The following TTL variants were observed in gnomAD, a reference collection of about 807,000 sequenced individuals.
The protein encoded by TTL is tubulin--tyrosine ligase.
TTL carries 10 observed loss-of-function variants against 41.1 expected under a neutral mutation model. The observed-to-expected ratio is 0.24, with a 90% CI of 0.15 to 0.41. The LOEUF is 0.41. Among genes scored for constraint, TTL ranks in the 10% least tolerant of loss-of-function variants. The probability of loss-of-function intolerance (pLI) is 1.00; values close to 1 mark genes in which losing one functional copy is unlikely to be tolerated. For synonymous variants in TTL, 175 were observed against 175.5 expected (o/e 1.00, Z 0.02); for missense variants, 367 against 460.4 (o/e 0.80, Z 1.86).
intron 2 of TTL, among the ~76,000 whole-genome samples, chr2:112,487,378 A>G (rs534782368): frequency 6.6e-6 from 1 of 152,332 alleles, no homozygotes; most frequent in South Asian, 2.1e-4. Flanking sequence ...TGACTGTTAC[A>G]TGGAATCAGG....
At chr2:112,519,550 GTTT>G (rs34836273) in intron 5 of TTL, among the ~76,000 whole-genome samples, 23,221 of 109,844 alleles carry the variant, frequency 0.21, 1,272 homozygotes, top group East Asian at 0.3. Context: ...AGGTCAACAT[GTTT>G]TTTTTTTTTT....
At chr2:112,524,590 C>T (rs923758700) in intron 6 of TTL, among the ~76,000 whole-genome samples, 1 of 152,200 alleles carries the variant, frequency 6.6e-6, no homozygotes, top group African/African-American at 2.4e-5. Flanking sequence ...TAAATGTCTT[C>T]TTTTGAGAAG....
In TTL at chr2:112,528,914, A is replaced by T; in HGVS notation, c.*119A>T. ...GGGGAAAGAAAGGCAACTCGCAAAG[A>T]TGAGATGGAAGAAGGCACGTGAGCA... On this transcript the variant is annotated 3_prime_UTR_variant, in exon 7 of 7. Transcript: ENST00000233336. The T allele has an allele frequency of 1.2e-6, 1 of 830,722 alleles. No individual in the cohort carries two copies. 51.5% of individuals were successfully genotyped at this position (830,722 alleles called of 1,614,324 possible).
chr2:112,510,541 G>A lies in TTL; in HGVS notation c.875+7360G>A, dbSNP rs187465116. Among the ~76,000 whole-genome samples, 164 of 151,132 alleles carry A rather than the reference G, an allele frequency of 1.1e-3. 1 individual carries two copies. The highest frequency in any genetic ancestry group is 3.8e-3 in the African/African-American group (158 of 41,128). On this transcript the variant is annotated intron_variant, in intron 5 of 6. Transcript: ENST00000233336. ...GGCTGGAGTGCAATGGCACGATCTC[G>A]GCTCACTGCAACCTCCATCTCCTGG...
chr2:112,524,602 G>A (rs545191603), intron 6 of TTL, among the ~76,000 whole-genome samples: 22 of 152,274 alleles, frequency 1.4e-4, no homozygotes, highest in East Asian at 5.8e-4. Flanking sequence ...TTTGAGAAGC[G>A]TCTGTTCATA....
Position 112,486,003 on chromosome 2 carries a change from T to C in TTL, c.236+8T>C, listed in dbSNP as rs1681230050. The C allele has an allele frequency of 2.5e-6, 4 of 1,613,342 alleles. No homozygotes were observed. The highest frequency in any genetic ancestry group is 3.4e-6 in the Non-Finnish European group (4 of 1,179,686). ...CAAAGCTTCTTTAGTGAAGTAAGTG[T>C]TAAGACCGCTGTTTTCCATTTTTTA... On this transcript the variant is annotated splice_region_variant and intron_variant, in intron 2 of 6. Transcript: ENST00000233336.
At chr2:112,509,773 C>G (rs1401512105) in intron 5 of TTL, among the ~76,000 whole-genome samples, 1 of 152,192 alleles carries the variant, frequency 6.6e-6, no homozygotes, top group Non-Finnish European at 1.5e-5. Context: ...CAGAAATCAC[C>G]CGTCTTCTGC....
At chr2:112,503,658 C>CTTT (rs1202499627) in intron 5 of TTL, among the ~76,000 whole-genome samples, 63 of 105,148 alleles carry the variant, frequency 6.0e-4, no homozygotes, top group Non-Finnish European at 1.1e-3. Context: ...GTCTTGAACT[C>CTTT]TTTTTTTTTT....
intron 5 of TTL, among the ~76,000 whole-genome samples, chr2:112,517,620 T>C (rs1256540135): frequency 6.6e-6 from 1 of 151,702 alleles, no homozygotes; most frequent in East Asian, 2.0e-4. Context: ...TTTTAAATCT[T>C]CCTTAATTAT....
chr2:112,482,247 C>T lies in TTL; in HGVS notation c.-98C>T, dbSNP rs1312294736. On this transcript the variant is annotated 5_prime_UTR_variant, in exon 1 of 7. Coordinates refer to ENST00000233336, the MANE Select transcript of TTL (RefSeq NM_153712.5). This position sits in a 1 kb window ranked among gnomAD's most constrained non-coding sequence, Gnocchi z 5.3. ...CCGGCGCGGGCGGCGGGGGCCGGGC[C>T]GCGGCGGGCGCCCGGGCGGGGTCCG... The T allele has an allele frequency of 1.4e-4, 125 of 908,150 alleles. No individual in the cohort carries two copies. The highest frequency in any genetic ancestry group is 1.5e-4 in the Non-Finnish European group (118 of 762,740). 56.3% of individuals were successfully genotyped at this position (908,150 alleles called of 1,614,324 possible).
intron 6 of TTL, among the ~76,000 whole-genome samples, chr2:112,527,897 C>T (rs1682406211): frequency 2.6e-5 from 4 of 152,206 alleles, no homozygotes. Context: ...GATGCAGTTT[C>T]TTCCTAGCAT....
chr2:112,531,361 G>A lies in TTL; in HGVS notation c.*2566G>A, dbSNP rs77805588. The A allele has an allele frequency of 8.8e-4, 200 of 227,560 alleles. 2 individuals carry two copies. The highest frequency in any genetic ancestry group is 4.2e-3 in the African/African-American group (191 of 45,116). The allele number at this position is 227,560 out of a possible 1,614,324, so 14.1% of individuals were successfully genotyped here. A position where few individuals can be genotyped will look rare whatever the true frequency, so the allele number is the denominator to read the frequency against. On this transcript the variant is annotated 3_prime_UTR_variant, in exon 7 of 7. Transcript: ENST00000233336. ...GTCATTTGACTGCACAGTATCAGAG[G>A]AGCCTGTTAACCTCTCTGTGCCTTA... is the stretch of plus-strand genomic sequence containing the variant.
At chr2:112,517,634 A>C (rs1185541313) in intron 5 of TTL, among the ~76,000 whole-genome samples, 2 of 151,516 alleles carry the variant, frequency 1.3e-5, no homozygotes, top group Non-Finnish European at 1.5e-5. Context: ...TAATTATAAT[A>C]TTTTAAAGAA....
intron 5 of TTL, among the ~76,000 whole-genome samples, chr2:112,516,670 T>C (rs1682079745): frequency 6.6e-6 from 1 of 152,146 alleles, no homozygotes; most frequent in Non-Finnish European, 1.5e-5. Flanking sequence ...CAAGATTCCA[T>C]CTCAGAAATC....
In TTL at chr2:112,541,223, T is replaced by G. The variant is rs952206769; in HGVS notation, c.*12428T>G. The G allele has an allele frequency of 1.3e-5, 2 of 152,032 alleles. No homozygotes were observed. The highest frequency in any genetic ancestry group is 2.9e-5 in the Non-Finnish European group (2 of 68,012). 9.4% of individuals were successfully genotyped at this position (152,032 alleles called of 1,614,324 possible). On this transcript the variant is annotated 3_prime_UTR_variant, in exon 7 of 7. Transcript: ENST00000233336. Reference sequence around the variant, plus strand: ...AAGACAGGCAACAAAAGAAAAAAACTACACTTCAAAATTAAAACGTTTTGC... The same window carrying G: ...AAGACAGGCAACAAAAGAAAAAAACGACACTTCAAAATTAAAACGTTTTGC...
intron 3 of TTL, among the ~76,000 whole-genome samples, chr2:112,499,088 GA>G (rs1459546094): frequency 4.6e-5 from 7 of 152,248 alleles, no homozygotes; most frequent in South Asian, 2.1e-4. Flanking sequence ...CAAGGCGGCT[GA>G]ATCACCTGAG....
intron 6 of TTL, among the ~76,000 whole-genome samples, chr2:112,521,680 C>T (rs992511338): frequency 6.6e-6 from 1 of 152,168 alleles, no homozygotes; most frequent in Non-Finnish European, 1.5e-5. Flanking sequence ...CCTACCTGGC[C>T]AGGCTCTGTA....
At chr2:112,517,796 T>C (rs1162463061) in intron 5 of TTL, among the ~76,000 whole-genome samples, 1 of 150,998 alleles carries the variant, frequency 6.6e-6, no homozygotes, top group Non-Finnish European at 1.5e-5. Context: ...CAAAAAAAAT[T>C]AGCAGGGTGT....
chr2:112,493,626 C>T (rs1319092470), intron 2 of TTL, among the ~76,000 whole-genome samples: 1 of 152,122 alleles, frequency 6.6e-6, no homozygotes. Context: ...TCCTATGTTC[C>T]GTTAGAAAAA....
Sources: allele counts gnomAD v4.1 joint callset (sites outside exome capture counted in the v4.1 genomes callset), GRCh38; gene constraint gnomAD v4.1.1; non-coding constraint Gnocchi (gnomAD v3.1); transcripts MANE v1.5; gene names NCBI Gene and HGNC (gene_info 2026-07-23, HGNC 2026-07-21).